Variants in PRAMEF1 observed in about 807,000 individuals in gnomAD.
PRAMEF1 encodes PRAME family member 1.
Under a neutral mutation model 38.2 loss-of-function variants are expected in PRAMEF1, and 21 were observed. That is an observed-to-expected ratio of 0.55 (90% CI 0.39 to 0.79). PRAMEF1 has a LOEUF of 0.79. Ranked by LOEUF, PRAMEF1 falls within the 30% of genes least tolerant of loss-of-function variation. The pLI, the probability that PRAMEF1 is intolerant of heterozygous loss-of-function variation, is 0.00. For missense variants in PRAMEF1, 497 were observed against 565.8 expected (o/e 0.88, Z 1.23); for synonymous variants, 200 against 229.0 (o/e 0.87, Z 1.14).
At chr1:12,791,721 C>G (rs1291981643) in intron 1 of PRAMEF1, among the ~76,000 whole-genome samples, 135 of 148,350 alleles carry the variant, frequency 9.1e-4, no homozygotes, top group Middle Eastern at 3.5e-3. Context: ...TAAAAATTTA[C>G]AGTGACATGA....
chr1:12,792,889 C>T (rs1336379282), intron 1 of PRAMEF1, among the ~76,000 whole-genome samples: 1 of 150,670 alleles, frequency 6.6e-6, no homozygotes, highest in Non-Finnish European at 1.5e-5. Context: ...TTTAGTGTTC[C>T]CCCAGCATGT....
At position 12,794,674 on chromosome 1, in the gene PRAMEF1, G is replaced by A. The variant is rs1448859665; in HGVS notation, c.866+181G>A. The A allele has an allele frequency of 1.7e-5, 25 of 1,456,616 alleles. 1 individual carries two copies. Among genetic ancestry groups the A allele is most frequent in the African/African-American group, 5.6e-5 (4 of 71,316 alleles). 90.2% of individuals were successfully genotyped at this position (1,456,616 alleles called of 1,614,324 possible). Reference sequence around the variant, plus strand: ...GTCCTGGAGTGGCTATCACAGGATCGCTCCAATAAGGGGAGAGGCGTCACC... The same window carrying A: ...GTCCTGGAGTGGCTATCACAGGATCACTCCAATAAGGGGAGAGGCGTCACC... On this transcript the variant is annotated intron_variant, in intron 3 of 3. Transcript: ENST00000332296.
At chr1:12,795,220 C>T (rs2100301454) in intron 3 of PRAMEF1, among the ~76,000 whole-genome samples, 1 of 151,860 alleles carries the variant, frequency 6.6e-6, no homozygotes, top group Non-Finnish European at 1.5e-5. Flanking sequence ...ATTTTATGGC[C>T]TTGAACCAAT....
rs764421074 is a variant in PRAMEF1, at chr1:12,794,501, A to G, written c.866+8A>G. On this transcript the variant is annotated splice_region_variant and intron_variant, in intron 3 of 3. Coordinates refer to ENST00000332296, the MANE Select transcript of PRAMEF1 (RefSeq NM_023013.4). ...CCTGGAACAGCTGATCAGGTGAGAAAGGATCATGCACTTTGTATGCAGACC... is the reference window on the plus strand; with the variant it reads ...CCTGGAACAGCTGATCAGGTGAGAAGGGATCATGCACTTTGTATGCAGACC... 6.2e-7 allele frequency: 1 copy of G among 1,609,998 alleles called. No homozygotes were observed. The highest frequency in any genetic ancestry group is 8.5e-7 in the Non-Finnish European group (1 of 1,177,732).
rs149308551 is a variant in PRAMEF1, at chr1:12,794,597, A to G, written c.866+104A>G. ...CTGTGTGCCAGCCAGTGGCAACGTC[A>G]CAGTGAAGGGGACATCAGAATGTCA... On this transcript the variant is annotated intron_variant, in intron 3 of 3. Coordinates refer to ENST00000332296, the MANE Select transcript of PRAMEF1 (RefSeq NM_023013.4). 13,192 of 1,536,878 alleles carry G rather than the reference A, an allele frequency of 8.6e-3. 1,107 individuals are homozygous for G. In the African/African-American group the frequency reaches 0.15, roughly 18 times the overall value.
Position 12,792,040 on chromosome 1 carries a change from C to T in PRAMEF1, c.-26+566C>T, listed in dbSNP as rs1342231658. Among the ~76,000 whole-genome samples the T allele has an allele frequency of 6.7e-5, 10 of 149,336 alleles. No homozygotes were observed. The South Asian group carries it at 1.9e-3, about 29-fold the overall frequency. ...ACGGTTTCTGGTTAATTTTTTTTTT[C>T]AGATGGAGTTTCCCTATTGTTGCCC... On this transcript the variant is annotated intron_variant, in intron 1 of 3. Coordinates refer to ENST00000332296, the MANE Select transcript of PRAMEF1 (RefSeq NM_023013.4).
chr1:12,792,356 T>C (rs2100295797), intron 1 of PRAMEF1, among the ~76,000 whole-genome samples: 1 of 151,428 alleles, frequency 6.6e-6, no homozygotes, highest in East Asian at 2.0e-4. Flanking sequence ...TTCCAAATGC[T>C]GTGGAATACC....
At chr1:12,795,374 G>C in intron 3 of PRAMEF1, 64 bp from the exon 4 acceptor site, 2 of 1,580,068 alleles carry the variant, frequency 1.3e-6, no homozygotes, top group Non-Finnish European at 1.7e-6. Flanking sequence ...CATTTTCCTA[G>C]ATGAAGGCAC....
chr1:12,793,647 T>C, intron 2 of PRAMEF1, 133 bp downstream of exon 2: 1 of 1,550,142 alleles, frequency 6.5e-7, no homozygotes, highest in Admixed American at 1.8e-5. Context: ...CAGGGAGGCT[T>C]TGGCCATTTT....
At position 12,795,930 on chromosome 1, in the gene PRAMEF1, C is replaced by T. The variant is rs142994008; in HGVS notation, c.1359C>T (p.Gly453=). Residue 453 remains glycine (G), a synonymous_variant, in exon 4 of 4, where the codon GGC becomes GGT. Coordinates refer to ENST00000332296, the MANE Select transcript of PRAMEF1 (RefSeq NM_023013.4). ...GGCAGCCCAAGAGGATCTTCATTGGCCCCACCCCCTGCCCTTCCTGTGGCT... is the reference window on the plus strand; with the variant it reads ...GGCAGCCCAAGAGGATCTTCATTGGTCCCACCCCCTGCCCTTCCTGTGGCT... ...EVRQPKRIFI[G]PTPCPSCGSS... is the part of the protein sequence containing the mutation. 6.4e-4 allele frequency: 1,030 copies of T among 1,610,506 alleles called. 7 individuals are homozygous for T. The highest frequency in any genetic ancestry group is 6.7e-4 in the Non-Finnish European group (790 of 1,179,284).
At chr1:12,793,108 CT>C (rs1323336607) in intron 1 of PRAMEF1, 94 bp from the exon 2 acceptor site, 9 of 1,492,716 alleles carry the variant, frequency 6.0e-6, no homozygotes, top group Admixed American at 1.9e-5. Context: ...CCCCTCCCTC[CT>C]TGGTGTTTGG....
intron 3 of PRAMEF1, among the ~76,000 whole-genome samples, 192 bp from the exon 4 acceptor site, chr1:12,795,246 G>C (rs1337409915): frequency 6.6e-6 from 1 of 151,792 alleles, no homozygotes; most frequent in Non-Finnish European, 1.5e-5. Flanking sequence ...AAGCAATGGT[G>C]AAAGGGCTGA....
At position 12,796,046 on chromosome 1, in the gene PRAMEF1, C is replaced by G. The variant is rs757666190; in HGVS notation, c.*50C>G. 1 of 1,484,814 alleles carries G rather than the reference C, an allele frequency of 6.7e-7. No homozygotes were observed. The highest frequency in any genetic ancestry group is 2.4e-5 in the East Asian group (1 of 42,000). The allele number at this position is 1,484,814 out of a possible 1,614,324, so 92.0% of individuals were successfully genotyped here. On this transcript the variant is annotated 3_prime_UTR_variant, in exon 4 of 4. Coordinates refer to ENST00000332296, the MANE Select transcript of PRAMEF1 (RefSeq NM_023013.4). ...GAAATCCAAAGTTCTCTTCCAGGCA[C>G]TTGGACACTAAAATCTACTATGTGG... is the stretch of plus-strand genomic sequence containing the variant.
In PRAMEF1 at chr1:12,794,143, C is replaced by G; in HGVS notation, c.516C>G (p.Tyr172Ter). 1 of 1,610,802 alleles carries G rather than the reference C, an allele frequency of 6.2e-7. No homozygotes were observed. Among genetic ancestry groups the G allele is most frequent in the Non-Finnish European group, 8.5e-7 (1 of 1,178,722 alleles). The part of the protein sequence containing the change: ...ECLRYLFQWV[Y>*]QRRGLVHLCC... ...TGAGATACCTCTTCCAGTGGGTTTA[C>G]CAAAGGAGAGGTTTAGTACACCTGT... The change falls in exon 3 of 4, where the codon TAC (tyrosine) becomes TAG (stop). Residue 172 changes from tyrosine (Y) to a stop codon, truncating the protein, a stop_gained. Coordinates refer to ENST00000332296, the MANE Select transcript of PRAMEF1 (RefSeq NM_023013.4). LOFTEE classifies it high-confidence loss of function.
In PRAMEF1 at chr1:12,794,472, G is replaced by C. The variant is rs1639356382; in HGVS notation, c.845G>C (p.Gly282Ala). The change falls in exon 3 of 4, where the codon GGG (glycine) becomes GCG (alanine). Residue 282 changes from glycine (G) to alanine (A), a missense_variant. Physicochemically the swap from Gly to Ala is moderately conservative, Grantham distance 60. This residue lies in a region of PRAMEF1 where 470 missense variants were observed against 501.9 expected (regional missense o/e 0.94). Transcript: ENST00000332296. ...ATAAAATTGATCACCTTCTTCAGTG[G>C]GCACCTGGAACAGCTGATCAGGTGA... is the stretch of plus-strand genomic sequence containing the variant. ...LKIKLITFFS[G>A]HLEQLIRCLQ... 7 of 1,610,216 alleles carry C rather than the reference G, an allele frequency of 4.3e-6. 1 individual carries two copies. Among genetic ancestry groups the C allele is most frequent in the Non-Finnish European group, 5.1e-6 (6 of 1,177,846 alleles).
intron 3 of PRAMEF1, 116 bp from the exon 4 acceptor site, chr1:12,795,322 T>C (rs1318832336): frequency 2.5e-6 from 2 of 786,076 alleles, no homozygotes; most frequent in Non-Finnish European, 2.0e-6. Flanking sequence ...ATGAGGACCA[T>C]CATCAGATGG....
In PRAMEF1 at chr1:12,793,419, C is replaced by G; in HGVS notation, c.192C>G (p.Leu64=). ...TTCAGGCCTGGCCCTTCACCTGCCT[C>G]CCTCTGGGATCACTGATGAAGACGC... ...VMVQAWPFTC[L]PLGSLMKTLH... is the part of the protein sequence containing the mutation. The change falls in exon 2 of 4, where the codon CTC becomes CTG. Residue 64 remains leucine, a synonymous_variant. Coordinates refer to ENST00000332296, the MANE Select transcript of PRAMEF1 (RefSeq NM_023013.4). The G allele has an allele frequency of 2.5e-6, 4 of 1,610,132 alleles. No homozygotes were observed. The highest frequency in any genetic ancestry group is 3.4e-6 in the Non-Finnish European group (4 of 1,177,946).
At chr1:12,792,926 T>A (rs1463768623) in intron 1 of PRAMEF1, among the ~76,000 whole-genome samples, 3 of 151,002 alleles carry the variant, frequency 2.0e-5, no homozygotes, top group Non-Finnish European at 4.4e-5. Context: ...GAATGGAGGC[T>A]GTCTGGGGCC....
At chr1:12,795,280 A>T (rs373283256) in intron 3 of PRAMEF1, among the ~76,000 whole-genome samples, 158 bp from the exon 4 acceptor site, 1 of 151,748 alleles carries the variant, frequency 6.6e-6, no homozygotes, top group Admixed American at 6.6e-5. Context: ...CAGCCCCTGA[A>T]CGATCAGGGT....
Sources: gnomAD v4.1 joint callset for allele counts (sites outside exome capture counted in the v4.1 genomes callset) on GRCh38, gnomAD v4.1.1 for gene constraint, gnomAD v4.1.1 regional missense constraint, MANE v1.5 for transcripts, NCBI Gene and HGNC (gene_info 2026-07-23, HGNC 2026-07-21) for gene names.